Variants in HSD17B7 observed in about 807,000 individuals in gnomAD.
HSD17B7 encodes the protein 3-keto-steroid reductase/17-beta-hydroxysteroid dehydrogenase 7.
Under a neutral mutation model 34.1 loss-of-function variants are expected in HSD17B7, and 17 were observed. That is an observed-to-expected ratio of 0.50 (90% CI 0.34 to 0.75). The LOEUF is 0.75. Ranked by LOEUF, HSD17B7 falls within the 30% of genes least tolerant of loss-of-function variation. The pLI is 0.01. For missense variants in HSD17B7, 296 were observed against 406.6 expected (o/e 0.73, Z 2.34); for synonymous variants, 122 against 154.6 (o/e 0.79, Z 1.56).
intron 7 of HSD17B7, among the ~76,000 whole-genome samples, chr1:162,804,726 C>A (rs1648923208): frequency 6.6e-6 from 1 of 152,174 alleles, no homozygotes; most frequent in African/African-American, 2.4e-5. Flanking sequence ...ACACCATTCC[C>A]CTCTATGAAG....
In HSD17B7 at chr1:162,792,724, C is replaced by A; in HGVS notation, c.101C>A (p.Ala34Glu). ...GATGATGAGCTTCATCTGTGTTTGGCGTGCAGGAACATGAGCAAGGCAGAA... is the reference window on the plus strand; with the variant it reads ...GATGATGAGCTTCATCTGTGTTTGGAGTGCAGGAACATGAGCAAGGCAGAA... ...AEDDELHLCL[A>E]CRNMSKAEAV... is the part of the protein sequence containing the mutation. Residue 34 changes from alanine (A) to glutamate (E), a missense_variant, in exon 2 of 9, where the codon GCG becomes GAG. Transcript: ENST00000254521. 1 of 1,614,128 alleles carries A rather than the reference C, an allele frequency of 6.2e-7. No individual in the cohort carries two copies. Among genetic ancestry groups the A allele is most frequent in the African/African-American group, 1.3e-5 (1 of 75,026 alleles).
In HSD17B7 at chr1:162,790,739, G is replaced by A. The variant is rs1169338522; in HGVS notation, c.-62G>A. The A allele has an allele frequency of 1.3e-5, 14 of 1,103,444 alleles. No individual in the cohort carries two copies. The highest frequency in any genetic ancestry group is 1.8e-5 in the Non-Finnish European group (13 of 732,660). The allele number at this position is 1,103,444 out of a possible 1,614,324, so 68.4% of individuals were successfully genotyped here. ...GTGACGGGTGAGGCGGCCCGAAATC[G>A]TAGGACTTCCGAAAGCAGCGGCGGT... On this transcript the variant is annotated 5_prime_UTR_variant, in exon 1 of 9. Coordinates refer to ENST00000254521, the MANE Select transcript of HSD17B7 (RefSeq NM_016371.4).
chr1:162,790,918 C>T lies in HSD17B7; in HGVS notation c.35+83C>T. Reference sequence around the variant, plus strand: ...GGGTCTGCGACCCTCCACGAACGGACCCCGGAAGCGCCCGCCCCTGGCTTT... The same window carrying T: ...GGGTCTGCGACCCTCCACGAACGGATCCCGGAAGCGCCCGCCCCTGGCTTT... On this transcript the variant is annotated intron_variant, in intron 1 of 8. Coordinates refer to ENST00000254521, the MANE Select transcript of HSD17B7 (RefSeq NM_016371.4). The T allele has an allele frequency of 4.0e-6, 4 of 992,478 alleles. No individual in the cohort carries two copies. In the South Asian group the frequency reaches 4.2e-5, roughly 10 times the overall value. The allele number at this position is 992,478 out of a possible 1,614,324, so 61.5% of individuals were successfully genotyped here. A position where few individuals can be genotyped will look rare whatever the true frequency, so the allele number is the denominator to read the frequency against.
Position 162,804,250 on chromosome 1 carries a change from TG to T in HSD17B7, c.748-16del, listed in dbSNP as rs200869477. The T allele has an allele frequency of 2.1e-4, 343 of 1,601,504 alleles. 2 individuals are homozygous for T. The East Asian group carries it at 7.5e-3, about 35-fold the overall frequency. ...TTCTAAACCACCAAAAAATAACAGT[TG>T]TTTTCTTTTCCGCAGCTTCGCTTTT... is the stretch of plus-strand genomic sequence containing the variant. On this transcript the variant is annotated splice_polypyrimidine_tract_variant and intron_variant, in intron 6 of 8. Coordinates refer to ENST00000254521, the MANE Select transcript of HSD17B7 (RefSeq NM_016371.4).
Position 162,799,875 on chromosome 1 carries a change from A to G in HSD17B7, c.580A>G (p.Ser194Gly). ...GCACAGCAAAGGCAAGGAACCCTAC[A>G]GCTCTTCCAAATATGCCACTGACCT... ...FQHSKGKEPY[S>G]SSKYATDLLS... The change falls in exon 5 of 9, where the codon AGC (serine) becomes GGC (glycine). Residue 194 changes from serine to glycine, a missense_variant. By Grantham distance (56) the Ser-to-Gly change is moderately conservative (BLOSUM62 0). Transcript: ENST00000254521. The G allele has an allele frequency of 1.9e-6, 3 of 1,614,120 alleles. No homozygotes were observed. The highest frequency in any genetic ancestry group is 2.2e-5 in the East Asian group (1 of 44,882).
At chr1:162,810,642 G>T (rs774826322) in intron 8 of HSD17B7, among the ~76,000 whole-genome samples, 13 of 103,310 alleles carry the variant, frequency 1.3e-4, no homozygotes, top group Non-Finnish European at 2.1e-4. Flanking sequence ...TCCTGTACTG[G>T]GTGCATATAT....
chr1:162,803,004 C>A (rs1571005212), intron 5 of HSD17B7: 1 of 155,306 alleles, frequency 6.4e-6, no homozygotes, highest in East Asian at 1.9e-4. Flanking sequence ...GTTTAGCTGT[C>A]TATTTATTAG....
chr1:162,805,781 G>C (rs776329770), intron 8 of HSD17B7, among the ~76,000 whole-genome samples: 3 of 152,164 alleles, frequency 2.0e-5, no homozygotes, highest in African/African-American at 7.2e-5. Flanking sequence ...GGGTGCCTCT[G>C]TAATAGGCTT....
chr1:162,810,115 C>T (rs1463053490), intron 8 of HSD17B7, among the ~76,000 whole-genome samples: 1 of 152,204 alleles, frequency 6.6e-6, no homozygotes, highest in Non-Finnish European at 1.5e-5. Flanking sequence ...CTACACACTG[C>T]TTTAAATGTG....
At chr1:162,809,180 A>C (rs1385339219) in intron 8 of HSD17B7, among the ~76,000 whole-genome samples, 2 of 152,016 alleles carry the variant, frequency 1.3e-5, no homozygotes, top group African/African-American at 4.8e-5. Context: ...TAGCATGAAG[A>C]GTTGTTGAAT....
chr1:162,797,008 T>G (rs1187363815), intron 3 of HSD17B7, among the ~76,000 whole-genome samples: 2 of 152,122 alleles, frequency 1.3e-5, no homozygotes, highest in Non-Finnish European at 2.9e-5. Flanking sequence ...TCCAGGAAAG[T>G]TACTTTGAAC....
intron 8 of HSD17B7, 74 bp downstream of exon 8, chr1:162,805,566 C>G: frequency 6.4e-7 from 1 of 1,565,492 alleles, no homozygotes; most frequent in South Asian, 1.2e-5. Context: ...CTGACCAGCC[C>G]CTCAGCCCCC....
chr1:162,805,163 A>G (rs1558096279), intron 7 of HSD17B7, among the ~76,000 whole-genome samples: 2 of 152,254 alleles, frequency 1.3e-5, no homozygotes, highest in Non-Finnish European at 2.9e-5. Flanking sequence ...GGTAAGTGTT[A>G]CAGAAATAAA....
chr1:162,801,340 T>C (rs1487510039), intron 5 of HSD17B7, among the ~76,000 whole-genome samples: 1 of 152,206 alleles, frequency 6.6e-6, no homozygotes, highest in African/African-American at 2.4e-5. Context: ...TGACTCTTTG[T>C]AACCCTAGGC....
chr1:162,800,311 G>A, intron 5 of HSD17B7: 2 of 460,626 alleles, frequency 4.3e-6, no homozygotes, highest in Non-Finnish European at 8.7e-6. Flanking sequence ...AAATCTCGGA[G>A]AACTTAAGTC....
At chr1:162,808,708 A>G (rs932639029) in intron 8 of HSD17B7, among the ~76,000 whole-genome samples, 8 of 151,996 alleles carry the variant, frequency 5.3e-5, no homozygotes, top group Admixed American at 3.3e-4. Context: ...GAATTCCTAG[A>G]TATTTTATTC....
In HSD17B7 at chr1:162,812,477, C is replaced by T; in HGVS notation, c.*57C>T. On this transcript the variant is annotated 3_prime_UTR_variant, in exon 9 of 9. Transcript: ENST00000254521. The stretch of plus-strand genomic sequence containing the variant: ...ATCACTTGAGACCAGGAGTTCAAGA[C>T]CAGCCTGAGAAACATAGTGAGCCCT... The T allele has an allele frequency of 1.3e-6, 2 of 1,509,092 alleles. No homozygotes were observed. Among genetic ancestry groups the T allele is most frequent in the Non-Finnish European group, 1.8e-6 (2 of 1,111,840 alleles). The allele number at this position is 1,509,092 out of a possible 1,614,324, so 93.5% of individuals were successfully genotyped here.
intron 8 of HSD17B7, among the ~76,000 whole-genome samples, chr1:162,807,279 C>T (rs1005451204): frequency 4.6e-5 from 7 of 152,190 alleles, no homozygotes; most frequent in Non-Finnish European, 1.0e-4. Flanking sequence ...CAGCTTCATC[C>T]ATGTCCCTAC....
intron 2 of HSD17B7, chr1:162,795,813 C>T (rs1648581043): frequency 1.7e-5 from 6 of 346,594 alleles, no homozygotes; most frequent in South Asian, 1.2e-4. Flanking sequence ...CTGCCTTGAA[C>T]CTAGTTCAAA....
Sources: gnomAD v4.1 joint callset for allele counts (sites outside exome capture counted in the v4.1 genomes callset) on GRCh38, gnomAD v4.1.1 for gene constraint, MANE v1.5 for transcripts, NCBI Gene and HGNC (gene_info 2026-07-23, HGNC 2026-07-21) for gene names.